The following TBC1D16 variants were observed in gnomAD, a reference collection of about 807,000 sequenced individuals.
TBC1D16 encodes TBC1 domain family member 16, also known as CTD-2529O21.1.
In TBC1D16, 58 loss-of-function variants were observed where a neutral mutation model predicts 74.7. The observed-to-expected ratio is 0.78, with a 90% CI of 0.63 to 0.97. The LOEUF (loss-of-function observed/expected upper bound fraction) is 0.97. Among genes scored for constraint, TBC1D16 ranks in the 50% least tolerant of loss-of-function variants. The pLI is 0.00. For missense variants in TBC1D16, 1,014 were observed against 1,079.5 expected, an observed-to-expected ratio of 0.94 and a Z score of 0.85; for synonymous variants, 493 against 474.7, an observed-to-expected ratio of 1.04 and a Z score of -0.50.
chr17:79,990,871 C>G lies in TBC1D16; in HGVS notation c.779+19289G>C, dbSNP rs538230176. On this transcript the variant is annotated intron_variant, in intron 3 of 11. Transcript: ENST00000310924. The surrounding 1 kb of genome is among the most constrained non-coding windows in gnomAD (Gnocchi z 4.8). The stretch of plus-strand genomic sequence containing the variant: ...CCCCTTATGTCTGGCTCATTTCACT[C>G]GGCGTAACGTCCTCAACTCATCCGT... Among the ~76,000 whole-genome samples, 1 of 152,226 alleles carries G rather than the reference C, an allele frequency of 6.6e-6. No homozygotes were observed. The highest frequency in any genetic ancestry group is 2.4e-5 in the African/African-American group (1 of 41,450).
chr17:79,945,930 C>A (rs934571750), intron 9 of TBC1D16, among the ~76,000 whole-genome samples: 1 of 152,252 alleles, frequency 6.6e-6, no homozygotes, highest in Non-Finnish European at 1.5e-5. Context: ...ATTGTTCCCA[C>A]GGGAGACTGC....
chr17:79,950,506 G>C lies in TBC1D16; in HGVS notation c.1162C>G (p.Pro388Ala). ...AGCCTCTTGTACATGCTCTCCTCGG[G>C]GTGCGTCTCGGAGGACGGCAGCTTG... ...RPKLPSSETHPEESMYKRLGV... is the reference protein window; with the variant it reads ...RPKLPSSETHAEESMYKRLGV... Residue 388 changes from proline to alanine, a missense_variant, in exon 6 of 12, where the codon CCC becomes GCC. Physicochemically the swap from Pro to Ala is conservative, Grantham distance 27. Transcript: ENST00000310924. The surrounding 1 kb of genome is among the most constrained non-coding windows in gnomAD (Gnocchi z 4.6). The C allele has an allele frequency of 6.2e-7, 1 of 1,613,422 alleles. No homozygotes were observed. The highest frequency in any genetic ancestry group is 8.5e-7 in the Non-Finnish European group (1 of 1,179,932).
chr17:79,960,779 C>CAAAAAAAAAAAAAAACAAA (rs2033560938), intron 3 of TBC1D16, among the ~76,000 whole-genome samples: 1 of 33,948 alleles, frequency 2.9e-5, no homozygotes, highest in Non-Finnish European at 5.5e-5. Flanking sequence ...AACAAAAACC[C>CAAAAAAAAAAAAAAACAAA]AAAAAAAAAA....
At chr17:80,014,159 C>A (rs192376247) in intron 1 of TBC1D16, among the ~76,000 whole-genome samples, 16 of 152,236 alleles carry the variant, frequency 1.1e-4, no homozygotes, top group African/African-American at 3.6e-4. Flanking sequence ...GGGTTCGAGA[C>A]CAGCCTGGCC....
chr17:79,934,502 C>A lies in TBC1D16; in HGVS notation c.*6357G>T, dbSNP rs966454207. On this transcript the variant is annotated 3_prime_UTR_variant, in exon 12 of 12. Coordinates refer to ENST00000310924, the MANE Select transcript of TBC1D16 (RefSeq NM_019020.4). ...GCAGAGTCCACGGTAAGAGCCAGGA[C>A]GTGGCTTCCAGGCAGGATGGGGAAG... 1 of 152,264 alleles carries A rather than the reference C, an allele frequency of 6.6e-6. No individual in the cohort carries two copies. The highest frequency in any genetic ancestry group is 2.1e-4 in the South Asian group (1 of 4,838). 9.4% of individuals were successfully genotyped at this position (152,264 alleles called of 1,614,324 possible). A position where few individuals can be genotyped will look rare whatever the true frequency, so the allele number is the denominator to read the frequency against.
intron 3 of TBC1D16, among the ~76,000 whole-genome samples, chr17:79,984,061 C>T (rs564726604): frequency 6.2e-3 from 18 of 2,908 alleles, no homozygotes; most frequent in African/African-American, 0.018. Context: ...ACAGAGATGG[C>T]GGGGTGGGGG....
Position 79,975,047 on chromosome 17 carries a change from C to T in TBC1D16, c.780-22229G>A, listed in dbSNP as rs181951378. 3.2e-4 allele frequency among the ~76,000 whole-genome samples: 48 copies of T among 152,318 alleles called. No individual in the cohort carries two copies. Among genetic ancestry groups the T allele is most frequent in the Non-Finnish European group, 5.4e-4 (37 of 68,034 alleles). ...GGCCCAAGGAAGAAGCCCTCTGCTC[C>T]GTCACCTCCTCGCCATGCCGTCCCC... is the stretch of plus-strand genomic sequence containing the variant. On this transcript the variant is annotated intron_variant, in intron 3 of 11. Transcript: ENST00000310924. This position sits in a 1 kb window ranked among gnomAD's most constrained non-coding sequence, Gnocchi z 4.5.
chr17:79,998,307 G>A (rs183994268), intron 3 of TBC1D16, among the ~76,000 whole-genome samples: 6 of 151,338 alleles, frequency 4.0e-5, no homozygotes, highest in Non-Finnish European at 8.8e-5. Context: ...GAATCATGCA[G>A]CTTGCAGCCT....
Position 79,985,413 on chromosome 17 carries a change from G to C in TBC1D16, c.779+24747C>G, listed in dbSNP as rs915234291. 1.3e-5 allele frequency among the ~76,000 whole-genome samples: 2 copies of C among 152,226 alleles called. No homozygotes were observed. Among genetic ancestry groups the C allele is most frequent in the African/African-American group, 4.8e-5 (2 of 41,454 alleles). The stretch of plus-strand genomic sequence containing the variant: ...GGGAGTCACTATCCAGGCCACGGCA[G>C]ACACAGTTCCCCGAAACTGAAGACG... On this transcript the variant is annotated intron_variant, in intron 3 of 11. Coordinates refer to ENST00000310924, the MANE Select transcript of TBC1D16 (RefSeq NM_019020.4). This position sits in a 1 kb window ranked among gnomAD's most constrained non-coding sequence, Gnocchi z 4.9.
intron 10 of TBC1D16, chr17:79,943,937 T>C: frequency 1.4e-6 from 2 of 1,468,084 alleles, no homozygotes; most frequent in South Asian, 2.7e-5. Flanking sequence ...GTCCATGCCG[T>C]GCTTCCCTTC....
chr17:79,984,704 CAA>C (rs10528420), intron 3 of TBC1D16, among the ~76,000 whole-genome samples: 6,179 of 106,204 alleles, frequency 0.058, 393 homozygotes, highest in East Asian at 0.38. Flanking sequence ...ACAGTAAAGG[CAA>C]AAAAAAAAAA....
intron 1 of TBC1D16, among the ~76,000 whole-genome samples, chr17:80,029,412 C>T (rs978005296): frequency 2.0e-5 from 3 of 152,156 alleles, no homozygotes; most frequent in Admixed American, 6.5e-5. Context: ...TGCTGTTAAC[C>T]ACACATGTTC....
At chr17:80,011,007 C>T (rs775502231) in intron 2 of TBC1D16, among the ~76,000 whole-genome samples, 22 of 152,120 alleles carry the variant, frequency 1.4e-4, no homozygotes, top group Non-Finnish European at 2.4e-4. Flanking sequence ...CCCCAAGCAC[C>T]GGCCTGCCAT....
intron 7 of TBC1D16, 114 bp downstream of exon 7, chr17:79,949,603 A>C (rs1470801503): frequency 2.9e-6 from 4 of 1,362,568 alleles, no homozygotes; most frequent in Non-Finnish European, 4.0e-6. Context: ...TTTTGAAAGA[A>C]ACTATGGGTC....
chr17:80,031,912 T>G (rs1165786903), intron 1 of TBC1D16, among the ~76,000 whole-genome samples: 1 of 152,154 alleles, frequency 6.6e-6, no homozygotes, highest in Non-Finnish European at 1.5e-5. Context: ...GAGCAGTGAA[T>G]GCACCGCAAA....
In TBC1D16 at chr17:79,990,313, C is replaced by T. The variant is rs1484134568; in HGVS notation, c.779+19847G>A. On this transcript the variant is annotated intron_variant, in intron 3 of 11. Transcript: ENST00000310924. This position sits in a 1 kb window ranked among gnomAD's most constrained non-coding sequence, Gnocchi z 4.8. Reference sequence around the variant, plus strand: ...GCCGGCTCCAGGTGGTGGGAGCCCACGCCCCCGGCCAGCACTCTGGCCACA... The same window carrying T: ...GCCGGCTCCAGGTGGTGGGAGCCCATGCCCCCGGCCAGCACTCTGGCCACA... 6.6e-6 allele frequency among the ~76,000 whole-genome samples: 1 copy of T among 152,236 alleles called. No homozygotes were observed. The highest frequency in any genetic ancestry group is 1.5e-5 in the Non-Finnish European group (1 of 68,042).
rs751513582 is a variant in TBC1D16, at chr17:79,940,841, C to T, written c.*18G>A. On this transcript the variant is annotated 3_prime_UTR_variant, in exon 12 of 12. Transcript: ENST00000310924. The surrounding 1 kb of genome is among the most constrained non-coding windows in gnomAD (Gnocchi z 5.4). ...TGAGGAGGTCCCCTCAACCCCTGTC[C>T]GGTGTCGGGGGCCCGACCTATCTGC... is the stretch of plus-strand genomic sequence containing the variant. 29 of 1,518,364 alleles carry T rather than the reference C, an allele frequency of 1.9e-5. No homozygotes were observed. Among genetic ancestry groups the T allele is most frequent in the Admixed American group, 1.5e-4 (8 of 51,686 alleles). 94.1% of individuals were successfully genotyped at this position (1,518,364 alleles called of 1,614,324 possible).
In TBC1D16 at chr17:79,987,938, C is replaced by T. The variant is rs561029250; in HGVS notation, c.779+22222G>A. On this transcript the variant is annotated intron_variant, in intron 3 of 11. Transcript: ENST00000310924. This position sits in a 1 kb window ranked among gnomAD's most constrained non-coding sequence, Gnocchi z 5.2. ...AACCCTCCGAGGCTCTCGGATTTTA[C>T]GCCTGCATGAGATTTCGAGGGAAGA... is the stretch of plus-strand genomic sequence containing the variant. 3.9e-5 allele frequency among the ~76,000 whole-genome samples: 6 copies of T among 152,020 alleles called. No homozygotes were observed. The East Asian group carries it at 5.8e-4, about 15-fold the overall frequency.
In TBC1D16 at chr17:79,932,916, T is replaced by C. The variant is rs1218636660; in HGVS notation, c.*7943A>G. The stretch of plus-strand genomic sequence containing the variant: ...ACATAAAATCCCCTCTTTTGTCTCA[T>C]GTTGAAGAGCTGATGACATCGGACC... On this transcript the variant is annotated 3_prime_UTR_variant, in exon 12 of 12. Transcript: ENST00000310924. 1 of 152,240 alleles carries C rather than the reference T, an allele frequency of 6.6e-6. No homozygotes were observed. Among genetic ancestry groups the C allele is most frequent in the African/African-American group, 2.4e-5 (1 of 41,458 alleles). The allele number at this position is 152,240 out of a possible 1,614,324, so 9.4% of individuals were successfully genotyped here.
Sources: allele counts gnomAD v4.1 joint callset (sites outside exome capture counted in the v4.1 genomes callset), GRCh38; gene constraint gnomAD v4.1.1; non-coding constraint Gnocchi (gnomAD v3.1); transcripts MANE v1.5; gene names NCBI Gene and HGNC (gene_info 2026-07-23, HGNC 2026-07-21).